KCNT1: variants seen among roughly 807,000 people sequenced by gnomAD.
KCNT1 encodes the protein potassium sodium-activated channel subfamily T member 1.
KCNT1 carries 78 observed loss-of-function variants against 147.8 expected under a neutral mutation model. That is an observed-to-expected ratio of 0.53 (90% CI 0.44 to 0.64). KCNT1 has a LOEUF of 0.64. Among genes scored for constraint, KCNT1 ranks in the 30% least tolerant of loss-of-function variants. The pLI, the probability that KCNT1 is intolerant of heterozygous loss-of-function variation, is 0.00. For missense variants in KCNT1, 1,419 were observed against 1,750.3 expected, an observed-to-expected ratio of 0.81 and a Z score of 3.38; for synonymous variants, 867 against 748.8, an observed-to-expected ratio of 1.16 and a Z score of -2.58.
intron 29 of KCNT1, chr9:135,788,298 G>C: frequency 2.6e-6 from 2 of 779,632 alleles, no homozygotes; most frequent in Admixed American, 1.8e-5. Flanking sequence ...GTCAGCCCAG[G>C]CGGCCCTGTT....
chr9:135,749,835 G>A (rs1250387540), intron 2 of KCNT1, among the ~76,000 whole-genome samples: 1 of 152,238 alleles, frequency 6.6e-6, no homozygotes, highest in Non-Finnish European at 1.5e-5. Context: ...CGGCCTGGAG[G>A]GCCCAGACTC....
intron 27 of KCNT1, 69 bp downstream of exon 27, chr9:135,784,958 T>C: frequency 6.4e-7 from 1 of 1,561,226 alleles, no homozygotes; most frequent in Non-Finnish European, 8.7e-7. Flanking sequence ...CATCCCCACC[T>C]TCCGGGGGCT....
intron 3 of KCNT1, 130 bp downstream of exon 3, chr9:135,750,307 C>G: frequency 1.5e-5 from 9 of 584,028 alleles, no homozygotes; most frequent in Middle Eastern, 3.1e-4. Context: ...CACCTGAGTG[C>G]TGCGGGGGCA....
At chr9:135,781,152 C>T (rs576362122) in intron 24 of KCNT1, among the ~76,000 whole-genome samples, 42 of 152,360 alleles carry the variant, frequency 2.8e-4, no homozygotes, top group African/African-American at 8.7e-4. Flanking sequence ...GAGCAGTGAA[C>T]AGTCCTGGGC....
At chr9:135,720,929 C>T (rs980527389) in intron 2 of KCNT1, among the ~76,000 whole-genome samples, 2 of 152,186 alleles carry the variant, frequency 1.3e-5, no homozygotes, top group African/African-American at 4.8e-5. Context: ...AGCTTTGAAA[C>T]AGAGGGGGAC....
chr9:135,725,471 G>A (rs1020856867), intron 2 of KCNT1, among the ~76,000 whole-genome samples: 2 of 152,246 alleles, frequency 1.3e-5, no homozygotes, highest in African/African-American at 2.4e-5. Flanking sequence ...GCTACCACGA[G>A]CCCAGGGCCA....
intron 2 of KCNT1, among the ~76,000 whole-genome samples, chr9:135,717,590 G>C (rs1447111969): frequency 6.6e-6 from 1 of 152,148 alleles, no homozygotes; most frequent in Non-Finnish European, 1.5e-5. Flanking sequence ...TGAGTTGGGG[G>C]CTTCTGCCCA....
In KCNT1 at chr9:135,702,353, G is replaced by T. The variant is rs1588238987; in HGVS notation, c.95G>T (p.Gly32Val). ...AACCGGACCTTCGAGTTTGACGACG[G>T]CCAATGCGCCCCCAGGTACAGTCTG... Reference protein sequence around the residue: ...YTNRTFEFDDGQCAPRRPCAG... With the variant: ...YTNRTFEFDDVQCAPRRPCAG... The change falls in exon 1 of 31, where the codon GGC (glycine) becomes GTC (valine). Residue 32 changes from glycine (G) to valine (V), a missense_variant. Transcript: ENST00000371757. The T allele has an allele frequency of 6.2e-7, 1 of 1,611,170 alleles. No individual in the cohort carries two copies. Among genetic ancestry groups the T allele is most frequent in the Non-Finnish European group, 8.5e-7 (1 of 1,178,960 alleles).
intron 21 of KCNT1, 94 bp from the exon 22 acceptor site, chr9:135,778,330 C>A: frequency 8.4e-7 from 1 of 1,194,148 alleles, no homozygotes; most frequent in Non-Finnish European, 1.2e-6. Flanking sequence ...CCCTGCCTGG[C>A]CCAGCTCTGT....
At chr9:135,741,442 T>C (rs1401459878) in intron 2 of KCNT1, among the ~76,000 whole-genome samples, 1 of 152,164 alleles carries the variant, frequency 6.6e-6, no homozygotes, top group Non-Finnish European at 1.5e-5. Flanking sequence ...GGCTCAGAGC[T>C]TCAGGCAGCA....
chr9:135,747,824 G>T (rs973158678), intron 2 of KCNT1, among the ~76,000 whole-genome samples: 2 of 152,140 alleles, frequency 1.3e-5, no homozygotes, highest in African/African-American at 4.8e-5. Context: ...AGTATGCCCG[G>T]TGGGGTGACA....
In KCNT1 at chr9:135,773,500, G is replaced by T. The variant is rs77380258; in HGVS notation, c.2243+551G>T. Reference sequence around the variant, plus strand: ...CTGTGCAACCCCTGGGCAAGGCAGTGTCCCAGCCTGGAAACCACAGCCCGT... The same window carrying T: ...CTGTGCAACCCCTGGGCAAGGCAGTTTCCCAGCCTGGAAACCACAGCCCGT... On this transcript the variant is annotated intron_variant, in intron 19 of 30. Transcript: ENST00000371757. Among the ~76,000 whole-genome samples the T allele has an allele frequency of 5.4e-3, 817 of 152,356 alleles. 6 individuals are homozygous for T. The highest frequency in any genetic ancestry group is 8.4e-3 in the Non-Finnish European group (569 of 68,038).
At chr9:135,785,186 TC>T in intron 27 of KCNT1, 123 bp from the exon 28 acceptor site, 1 of 1,433,006 alleles carries the variant, frequency 7.0e-7, no homozygotes, top group Non-Finnish European at 9.6e-7. Context: ...TGTGCTGCAG[TC>T]CACACAGCAG....
chr9:135,791,024 T>A (rs906147102), intron 29 of KCNT1: 1 of 152,314 alleles, frequency 6.6e-6, no homozygotes, highest in African/African-American at 2.4e-5. Context: ...GCCCACCCCA[T>A]GAGCCGGACG....
At position 135,742,699 on chromosome 9, in the gene KCNT1, C is replaced by CT. The variant is rs1169287855; in HGVS notation, c.255-7398dup. The CT allele has an allele frequency of 8.4e-6, 6 of 716,320 alleles. No individual in the cohort carries two copies. The African/African-American group carries it at 1.0e-4, about 13-fold the overall frequency. The allele number at this position is 716,320 out of a possible 1,614,324, so 44.4% of individuals were successfully genotyped here. A position where few individuals can be genotyped will look rare whatever the true frequency, so the allele number is the denominator to read the frequency against. ...TCTACTGCCTTCTCCATCCGTCCGT[C>CT]TATCTGTCTGCTGCCTTCTCCATCT... On this transcript the variant is annotated intron_variant, in intron 2 of 30. Coordinates refer to ENST00000371757, the MANE Select transcript of KCNT1 (RefSeq NM_020822.3).
intron 20 of KCNT1, among the ~76,000 whole-genome samples, chr9:135,776,518 C>T (rs1325277308): frequency 3.3e-5 from 5 of 152,176 alleles, no homozygotes; most frequent in South Asian, 2.1e-4. Flanking sequence ...CCTCCCACCT[C>T]GGCCTCCCAA....
intron 2 of KCNT1, among the ~76,000 whole-genome samples, chr9:135,731,075 C>T (rs1376491705): frequency 3.3e-5 from 5 of 151,934 alleles, no homozygotes; most frequent in African/African-American, 7.3e-5. Flanking sequence ...GCCCACACGC[C>T]ATGTTTGAAT....
Position 135,771,212 on chromosome 9 carries a change from C to T in KCNT1, c.2008+117C>T. 5.6e-6 allele frequency: 5 copies of T among 900,094 alleles called. No individual in the cohort carries two copies. The South Asian group carries it at 6.7e-5, about 12-fold the overall frequency. 55.8% of individuals were successfully genotyped at this position (900,094 alleles called of 1,614,324 possible). On this transcript the variant is annotated intron_variant, in intron 18 of 30. Transcript: ENST00000371757. ...GACCAGGCAGGACAGGGGGAGGTGA[C>T]CAGGTGGGACAGGAGACCAGGCAGG...
chr9:135,775,188 C>A (rs1344487227), intron 19 of KCNT1, 122 bp from the exon 20 acceptor site: 6 of 644,120 alleles, frequency 9.3e-6, no homozygotes, highest in Non-Finnish European at 1.3e-5. Context: ...CTGTGCGTGA[C>A]CCCGAGCAAC....
Sources: allele counts gnomAD v4.1 joint callset (sites outside exome capture counted in the v4.1 genomes callset), GRCh38; gene constraint gnomAD v4.1.1; transcripts MANE v1.5; gene names NCBI Gene and HGNC (gene_info 2026-07-23, HGNC 2026-07-21).